The following A1CF variants were observed in gnomAD, a reference collection of about 807,000 sequenced individuals.
A1CF encodes the protein APOBEC1 complementation factor.
In A1CF, 48 loss-of-function variants were observed where a neutral mutation model predicts 68.9. The ratio of observed to expected loss-of-function variants is 0.70; its 90% CI spans 0.55 to 0.89. The LOEUF (loss-of-function observed/expected upper bound fraction) is 0.89, where lower values mean the gene tolerates loss of function less well. Ranked by LOEUF, A1CF falls within the 40% of genes least tolerant of loss-of-function variation. The pLI, the probability that A1CF is intolerant of heterozygous loss-of-function variation, is 0.00. For synonymous variants in A1CF, 272 were observed against 260.4 expected (o/e 1.04, Z -0.43); for missense variants, 653 against 718.9 (o/e 0.91, Z 1.05).
At position 50,813,939 on chromosome 10, in the gene A1CF, A is replaced by T. The variant is rs752733762; in HGVS notation, c.1241T>A (p.Leu414His). The T allele has an allele frequency of 2.0e-5, 32 of 1,613,754 alleles. No homozygotes were observed. In the Admixed American group the frequency reaches 3.8e-4, roughly 19 times the overall value. Reference protein sequence around the residue: ...QVKGDKREDKLYDILPGMELT... With the variant: ...QVKGDKREDKHYDILPGMELT... ...CTCCATCCCAGGTAAAATGTCATAGAGTTTGTCTTCTCTTTTGTCTCCTTT... is the reference window on the plus strand; with the variant it reads ...CTCCATCCCAGGTAAAATGTCATAGTGTTTGTCTTCTCTTTTGTCTCCTTT... Residue 414 changes from leucine (L) to histidine (H), a missense_variant, in exon 10 of 13, where the codon CTC becomes CAC. Coordinates refer to ENST00000373997, the MANE Select transcript of A1CF (RefSeq NM_014576.4).
At chr10:50,847,007 C>T (rs190927595) in intron 3 of A1CF, among the ~76,000 whole-genome samples, 2 of 152,218 alleles carry the variant, frequency 1.3e-5, no homozygotes, top group African/African-American at 4.8e-5. Context: ...CTGTCCATTA[C>T]TCAGAAAGGA....
At chr10:50,850,168 T>C (rs1840175620) in intron 3 of A1CF, among the ~76,000 whole-genome samples, 1 of 152,206 alleles carries the variant, frequency 6.6e-6, no homozygotes, top group Non-Finnish European at 1.5e-5. Context: ...GATATGGTTC[T>C]TCTAAGGAAA....
intron 10 of A1CF, among the ~76,000 whole-genome samples, chr10:50,813,065 A>G (rs1449538225): frequency 6.6e-6 from 1 of 152,230 alleles, no homozygotes; most frequent in Non-Finnish European, 1.5e-5. Flanking sequence ...TCATGGGAAT[A>G]GGGAAGTTTC....
intron 1 of A1CF, among the ~76,000 whole-genome samples, chr10:50,869,135 A>G (rs1053654623): frequency 6.6e-6 from 1 of 151,048 alleles, no homozygotes; most frequent in African/African-American, 2.4e-5. Flanking sequence ...CCTGAACTTA[A>G]AAAAAAAAGT....
intron 7 of A1CF, chr10:50,824,408 C>T (rs1564503123): frequency 6.6e-6 from 1 of 152,064 alleles, no homozygotes. Flanking sequence ...GTATTATTCA[C>T]TCTGGGAAGG....
intron 1 of A1CF, among the ~76,000 whole-genome samples, chr10:50,881,552 C>T (rs1841774516): frequency 6.6e-6 from 1 of 152,142 alleles, no homozygotes; most frequent in South Asian, 2.1e-4. Flanking sequence ...CTAGAATATC[C>T]TATGGAAATA....
intron 5 of A1CF, among the ~76,000 whole-genome samples, chr10:50,839,278 A>G (rs549223559): frequency 2.0e-5 from 3 of 152,220 alleles, no homozygotes; most frequent in Non-Finnish European, 4.4e-5. Flanking sequence ...CTACATAGCC[A>G]ATTCCATATC....
chr10:50,852,778 C>T (rs959696329), intron 3 of A1CF, among the ~76,000 whole-genome samples: 1 of 152,034 alleles, frequency 6.6e-6, no homozygotes, highest in Non-Finnish European at 1.5e-5. Context: ...CCTCTCGGAG[C>T]CAGTCTAGAT....
At chr10:50,824,324 A>G (rs1158345156) in intron 7 of A1CF, 1 of 152,166 alleles carries the variant, frequency 6.6e-6, no homozygotes, top group African/African-American at 2.4e-5. Context: ...TAGGAAAGGA[A>G]GCAGCCTTTT....
rs1483623036 is a variant in A1CF, at chr10:50,801,693, ATTC to A, written c.*5033_*5035del. On this transcript the variant is annotated 3_prime_UTR_variant, in exon 13 of 13. Transcript: ENST00000373997. ...CATTTGTGGAAAGAGAACAAGCTGT[ATTC>A]TTCTTCTTGAATTTCTCTCTCAAAA... The A allele has an allele frequency of 2.6e-5, 4 of 152,186 alleles. No homozygotes were observed. Among genetic ancestry groups the A allele is most frequent in the African/African-American group, 4.8e-5 (2 of 41,456 alleles). The allele number at this position is 152,186 out of a possible 1,614,324, so 9.4% of individuals were successfully genotyped here.
intron 1 of A1CF, among the ~76,000 whole-genome samples, chr10:50,883,262 G>A (rs1210393448): frequency 3.9e-5 from 6 of 152,016 alleles, no homozygotes; most frequent in Admixed American, 6.6e-5. Context: ...CTTAAGTACC[G>A]GGGACCACAT....
chr10:50,852,340 T>A (rs574827853), intron 3 of A1CF, among the ~76,000 whole-genome samples: 13 of 152,300 alleles, frequency 8.5e-5, no homozygotes, highest in Non-Finnish European at 1.6e-4. Context: ...TTCCCACAAA[T>A]GTTGGGCACA....
intron 6 of A1CF, among the ~76,000 whole-genome samples, chr10:50,835,332 C>T (rs1026556599): frequency 1.2e-4 from 19 of 152,062 alleles, no homozygotes; most frequent in African/African-American, 4.6e-4. Context: ...TCTGGTGGCT[C>T]TCCCATAATT....
rs189654828 is a variant in A1CF at position 50,827,955 on chromosome 10, T to C, written c.769+176A>G. ...GCACAATAAAAAATGATAAAGGGGA[T>C]ATCGCCACCGATCCCACAGAAATAC... On this transcript the variant is annotated intron_variant, in intron 7 of 12. Transcript: ENST00000373997. Among the ~76,000 whole-genome samples the C allele has an allele frequency of 8.5e-3, 1,290 of 152,066 alleles. 15 individuals are homozygous for C. The highest frequency in any genetic ancestry group is 0.03 in the African/African-American group (1,227 of 41,454).
chr10:50,878,205 G>A (rs939049015), intron 1 of A1CF, among the ~76,000 whole-genome samples: 1 of 152,318 alleles, frequency 6.6e-6, no homozygotes, highest in East Asian at 1.9e-4. Flanking sequence ...AGCCAGTGAT[G>A]GGGATAGAAT....
intron 1 of A1CF, among the ~76,000 whole-genome samples, chr10:50,872,174 A>G (rs1003876844): frequency 3.3e-5 from 5 of 152,190 alleles, no homozygotes; most frequent in African/African-American, 9.7e-5. Flanking sequence ...AAGGCAAATT[A>G]AAACAAAAAA....
rs1453582223 is a variant in A1CF, at chr10:50,803,793, A to C, written c.*2936T>G. 1.3e-5 allele frequency: 2 copies of C among 152,158 alleles called. No homozygotes were observed. Among genetic ancestry groups the C allele is most frequent in the Admixed American group, 6.5e-5 (1 of 15,274 alleles). The allele number at this position is 152,158 out of a possible 1,614,324, so 9.4% of individuals were successfully genotyped here. On this transcript the variant is annotated 3_prime_UTR_variant, in exon 13 of 13. Transcript: ENST00000373997. ...GTTATTATCACCTGGTTGGGTGACA[A>C]ATTTTAATTTTTTCTGTAAAGAATT...
At chr10:50,856,047 C>A (rs1333712663) in intron 3 of A1CF, among the ~76,000 whole-genome samples, 1 of 151,886 alleles carries the variant, frequency 6.6e-6, no homozygotes, top group Non-Finnish European at 1.5e-5. Flanking sequence ...CCCTAAGTTA[C>A]AAAGAGTTTG....
chr10:50,810,093 T>A, intron 11 of A1CF, 51 bp from the exon 12 acceptor site: 1 of 1,602,826 alleles, frequency 6.2e-7, no homozygotes, highest in Non-Finnish European at 8.5e-7. Flanking sequence ...TACAACTGAG[T>A]CAGGTGAAAA....
Sources: allele counts gnomAD v4.1 joint callset (sites outside exome capture counted in the v4.1 genomes callset), GRCh38; gene constraint gnomAD v4.1.1; transcripts MANE v1.5; gene names NCBI Gene and HGNC (gene_info 2026-07-23, HGNC 2026-07-21).